The following EXTL3 variants were observed in gnomAD, a reference collection of about 807,000 sequenced individuals.
The protein encoded by EXTL3 is exostosin-like 3.
A neutral mutation model predicts 69.3 loss-of-function variants in EXTL3; 27 were observed. The observed-to-expected ratio is 0.39, with a 90% confidence interval of 0.29 to 0.54. The LOEUF (loss-of-function observed/expected upper bound fraction) is 0.54, where lower values mean the gene tolerates loss of function less well. EXTL3 is among the 20% of genes least tolerant of loss of function. EXTL3 has a pLI of 0.69. For synonymous variants in EXTL3, 511 were observed against 499.4 expected (o/e 1.02, Z -0.31); for missense variants, 1,003 against 1,231.8 (o/e 0.81, Z 2.78).
At chr8:28,747,036 A>C (rs1801903165) in intron 6 of EXTL3, among the ~76,000 whole-genome samples, 3 of 152,168 alleles carry the variant, frequency 2.0e-5, no homozygotes, top group Non-Finnish European at 4.4e-5. Context: ...GCTTCCGTGA[A>C]AACAACAGTT....
rs979721536 is a variant in EXTL3, at chr8:28,701,558, C to T, written c.-671C>T. On this transcript the variant is annotated 5_prime_UTR_variant, in exon 1 of 7. Transcript: ENST00000220562. ...GGCAGGGGGAGCGGCGGATCAGGCGCGGCCTGGAAGGCGGGCGGCCGGCAG... is the reference window on the plus strand; with the variant it reads ...GGCAGGGGGAGCGGCGGATCAGGCGTGGCCTGGAAGGCGGGCGGCCGGCAG... 169 of 154,080 alleles carry T rather than the reference C, an allele frequency of 1.1e-3. No homozygotes were observed. Among genetic ancestry groups the T allele is most frequent in the Non-Finnish European group, 1.9e-3 (128 of 69,044 alleles). The allele number at this position is 154,080 out of a possible 1,614,324, so 9.5% of individuals were successfully genotyped here.
intron 1 of EXTL3, among the ~76,000 whole-genome samples, chr8:28,684,317 T>C (rs1807542267): frequency 6.6e-6 from 1 of 152,224 alleles, no homozygotes; most frequent in African/African-American, 2.4e-5. Flanking sequence ...GTGGATCATA[T>C]GGTAGTTCTA....
chr8:28,705,259 C>T (rs1800897313), intron 1 of EXTL3, among the ~76,000 whole-genome samples: 1 of 152,104 alleles, frequency 6.6e-6, no homozygotes, highest in Admixed American at 6.5e-5. Context: ...CCGGTCTAAC[C>T]CCTTAATTTA....
intron 1 of EXTL3, among the ~76,000 whole-genome samples, chr8:28,666,846 A>G (rs1469607691): frequency 2.0e-5 from 3 of 152,150 alleles, no homozygotes; most frequent in African/African-American, 7.2e-5. Context: ...GAGCGCTGGG[A>G]TTACAGGCAT....
chr8:28,666,035 A>T (rs1475220501), intron 1 of EXTL3, among the ~76,000 whole-genome samples: 2 of 152,016 alleles, frequency 1.3e-5, no homozygotes, highest in Non-Finnish European at 1.5e-5. Context: ...TTCTTTGTCA[A>T]TCTCATCCTA....
intron 1 of EXTL3, among the ~76,000 whole-genome samples, chr8:28,710,855 G>C (rs1322947037): frequency 6.6e-6 from 1 of 151,754 alleles, no homozygotes; most frequent in Non-Finnish European, 1.5e-5. Flanking sequence ...TCTTTATTTT[G>C]GTACTGTCTT....
upstream of EXTL3, among the ~76,000 whole-genome samples, chr8:28,699,075 G>A (rs1243930730): frequency 1.3e-5 from 2 of 152,194 alleles, no homozygotes; most frequent in African/African-American, 4.8e-5. Context: ...GGCTGAGGCG[G>A]GAGGAACATC....
intron 1 of EXTL3, among the ~76,000 whole-genome samples, chr8:28,681,558 G>A (rs539732240): frequency 4.3e-4 from 65 of 152,196 alleles, no homozygotes; most frequent in African/African-American, 1.3e-3. Flanking sequence ...ATAGACACTC[G>A]GGTTGATTTC....
At chr8:28,658,676 G>T in intron 1 of EXTL3, among the ~76,000 whole-genome samples, 1 of 152,096 alleles carries the variant, frequency 6.6e-6, no homozygotes, top group East Asian at 1.9e-4. Flanking sequence ...TGCCTCCTGG[G>T]TTCAAGTGAT....
At position 28,717,889 on chromosome 8, in the gene EXTL3, T is replaced by C. The variant is rs1231078934; in HGVS notation, c.1830T>C (p.Pro610=). 6.2e-7 allele frequency: 1 copy of C among 1,614,016 alleles called. No homozygotes were observed. Among genetic ancestry groups the C allele is most frequent in the Non-Finnish European group, 8.5e-7 (1 of 1,179,978 alleles). ...FYRSWNCAPG[P]FHLFPHTPFD... is the part of the protein sequence containing the mutation. ...GCAGCTGGAACTGTGCTCCAGGGCC[T>C]TTCCATCTTTTCCCCCACACTCCCT... The change falls in exon 3 of 7, where the codon CCT becomes CCC. Residue 610 remains proline, a synonymous_variant. Transcript: ENST00000220562. The surrounding 1 kb of genome is among the most constrained non-coding windows in gnomAD (Gnocchi z 8.3).
intron 1 of EXTL3, among the ~76,000 whole-genome samples, chr8:28,666,143 TTTTTCATCA>T (rs750541421): frequency 2.0e-5 from 3 of 152,236 alleles, no homozygotes; most frequent in Non-Finnish European, 2.9e-5. Context: ...TCAAAATGCC[TTTTTCATCA>T]TTTCAATGGG....
chr8:28,637,397 A>G (rs1806673850), intron 1 of EXTL3: 1 of 152,314 alleles, frequency 6.6e-6, no homozygotes, highest in Non-Finnish European at 1.5e-5. Flanking sequence ...AGAGACTGTC[A>G]GACAGTTCCT....
chr8:28,632,873 A>G (rs796731767), intron 1 of EXTL3, among the ~76,000 whole-genome samples: 3 of 150,938 alleles, frequency 2.0e-5, no homozygotes, highest in South Asian at 2.1e-4. Context: ...CTTAATAGCA[A>G]CTCTCTGTGG....
Position 28,743,193 on chromosome 8 carries a change from C to T in EXTL3, c.2529C>T (p.Ile843=), listed in dbSNP as rs922183697. Residue 843 remains isoleucine, a synonymous_variant, in exon 6 of 7, where the codon ATC becomes ATT. Coordinates refer to ENST00000220562, the MANE Select transcript of EXTL3 (RefSeq NM_001440.4). ...CCATGAACTTCCTTGTCTCCCACAT[C>T]ACTCGGAAGCCCCCCATCAAGGTGA... The part of the protein sequence containing the change: ...DIAMNFLVSH[I]TRKPPIKVTS... 1.4e-5 allele frequency: 23 copies of T among 1,614,106 alleles called. No individual in the cohort carries two copies. In the East Asian group the frequency reaches 4.9e-4, roughly 34 times the overall value.
At chr8:28,626,440 T>C (rs1255542439) in intron 1 of EXTL3, among the ~76,000 whole-genome samples, 3 of 151,986 alleles carry the variant, frequency 2.0e-5, no homozygotes, top group Non-Finnish European at 4.4e-5. Flanking sequence ...GCTGCAGCAG[T>C]GATTAGGAAA....
intron 5 of EXTL3, chr8:28,741,851 T>C (rs1309194651): frequency 6.6e-6 from 1 of 152,244 alleles, no homozygotes; most frequent in Non-Finnish European, 1.5e-5. Flanking sequence ...AGCACATTTA[T>C]TCTGTGTTAC....
intron 2 of EXTL3, among the ~76,000 whole-genome samples, chr8:28,616,234 G>A (rs1806329091): frequency 1.3e-5 from 2 of 152,020 alleles, no homozygotes; most frequent in South Asian, 2.1e-4. Context: ...AATACTTTTC[G>A]GTGGAGGGAA....
At chr8:28,608,326 C>T (rs907824337) in intron 2 of EXTL3, among the ~76,000 whole-genome samples, 5 of 151,946 alleles carry the variant, frequency 3.3e-5, no homozygotes, top group African/African-American at 1.2e-4. Flanking sequence ...TAGGCACAAA[C>T]GTGCCTAATG....
intron 4 of EXTL3, among the ~76,000 whole-genome samples, chr8:28,733,679 G>A (rs919282338): frequency 2.0e-5 from 3 of 150,900 alleles, no homozygotes; most frequent in African/African-American, 4.9e-5. Flanking sequence ...CACAGCACCC[G>A]GCCATACAGT....
Sources: allele counts gnomAD v4.1 joint callset (sites outside exome capture counted in the v4.1 genomes callset), GRCh38; gene constraint gnomAD v4.1.1; non-coding constraint Gnocchi (gnomAD v3.1); transcripts MANE v1.5; gene names NCBI Gene and HGNC (gene_info 2026-07-23, HGNC 2026-07-21).